The following PALLD variants were observed in gnomAD, a reference collection of about 807,000 sequenced individuals.
The protein encoded by PALLD is palladin.
Under a neutral mutation model 123.5 loss-of-function variants are expected in PALLD, and 61 were observed. That is an observed-to-expected ratio of 0.49 (90% CI 0.40 to 0.61). The LOEUF (loss-of-function observed/expected upper bound fraction) is 0.61, where lower values mean the gene tolerates loss of function less well. PALLD is among the 20% of genes least tolerant of loss of function. PALLD has a pLI of 0.00. For synonymous variants in PALLD, 465 were observed against 496.4 expected, an observed-to-expected ratio of 0.94 and a Z score of 0.84; for missense variants, 1,273 against 1,377.0, an observed-to-expected ratio of 0.92 and a Z score of 1.20.
chr4:168,849,229 A>G (rs548354112), intron 10 of PALLD, among the ~76,000 whole-genome samples: 2 of 152,346 alleles, frequency 1.3e-5, no homozygotes, highest in Admixed American at 6.5e-5. Flanking sequence ...TAGGGAGCTG[A>G]TTGTAATGCG....
At chr4:168,562,583 G>C (rs1333715119) in intron 2 of PALLD, among the ~76,000 whole-genome samples, 3 of 152,216 alleles carry the variant, frequency 2.0e-5, no homozygotes, top group Non-Finnish European at 2.9e-5. Flanking sequence ...ACTTTAGGTG[G>C]TGTGGTCAGG....
chr4:168,682,929 TA>T (rs148598962), intron 4 of PALLD, 68 bp from the exon 5 acceptor site: 27,421 of 686,978 alleles, frequency 0.04, 5 homozygotes, highest in Non-Finnish European at 0.044. Context: ...TTATTTCTGC[TA>T]AAAAAAAAAA....
In PALLD at chr4:168,926,407, G is replaced by A. The variant is rs1762585701; in HGVS notation, c.*227G>A. 1 of 1,509,422 alleles carries A rather than the reference G, an allele frequency of 6.6e-7. No individual in the cohort carries two copies. The highest frequency in any genetic ancestry group is 8.9e-7 in the Non-Finnish European group (1 of 1,121,780). 93.5% of individuals were successfully genotyped at this position (1,509,422 alleles called of 1,614,324 possible). A position where few individuals can be genotyped will look rare whatever the true frequency, so the allele number is the denominator to read the frequency against. Reference sequence around the variant, plus strand: ...GTAATCCAGCATTCTTGTTAAAGCTGAAACACTGAAACAGCCATTGCCTTG... The same window carrying A: ...GTAATCCAGCATTCTTGTTAAAGCTAAAACACTGAAACAGCCATTGCCTTG... On this transcript the variant is annotated 3_prime_UTR_variant, in exon 22 of 22. Coordinates refer to ENST00000505667, the MANE Select transcript of PALLD (RefSeq NM_001166108.2).
At chr4:168,549,779 A>AC (rs924393921) in intron 2 of PALLD, among the ~76,000 whole-genome samples, 29 of 59,114 alleles carry the variant, frequency 4.9e-4, no homozygotes, top group Non-Finnish European at 8.2e-4. Flanking sequence ...CAAGAACCAC[A>AC]AAAAAAAAAT....
chr4:168,786,153 C>A lies in PALLD; in HGVS notation c.1964+74230C>A, dbSNP rs1055199376. Among the ~76,000 whole-genome samples, 5 of 151,462 alleles carry A rather than the reference C, an allele frequency of 3.3e-5. No individual in the cohort carries two copies. In the East Asian group the frequency reaches 9.7e-4, roughly 29 times the overall value. ...GACCAGCCTGGCCAACATGGTGAAACCCCGTCTCTACTAAAAATACAAAAA... is the reference window on the plus strand; with the variant it reads ...GACCAGCCTGGCCAACATGGTGAAAACCCGTCTCTACTAAAAATACAAAAA... On this transcript the variant is annotated intron_variant, in intron 10 of 21. Transcript: ENST00000505667.
At chr4:168,670,756 C>CAAAAAAA (rs1297875131) in intron 3 of PALLD, among the ~76,000 whole-genome samples, 1 of 70,306 alleles carries the variant, frequency 1.4e-5, no homozygotes, top group Admixed American at 1.4e-4. Flanking sequence ...ACAAAAAAAA[C>CAAAAAAA]AAAAAAAACA....
intron 10 of PALLD, among the ~76,000 whole-genome samples, chr4:168,877,405 A>G (rs1328468611): frequency 6.6e-6 from 1 of 152,226 alleles, no homozygotes; most frequent in Non-Finnish European, 1.5e-5. Flanking sequence ...TTCTCTTAAT[A>G]TTTCTTGATC....
At chr4:168,699,884 T>C (rs1783508075) in intron 8 of PALLD, 1 of 153,130 alleles carries the variant, frequency 6.5e-6, no homozygotes. Context: ...TAATTAAGGT[T>C]ATTAATAACT....
chr4:168,659,101 A>T (rs1778883844), intron 2 of PALLD, among the ~76,000 whole-genome samples: 1 of 152,216 alleles, frequency 6.6e-6, no homozygotes, highest in Admixed American at 6.5e-5. Context: ...AATACTCCAT[A>T]AAAATTAATT....
intron 10 of PALLD, among the ~76,000 whole-genome samples, chr4:168,778,195 G>T (rs62334294): frequency 0.22 from 32,884 of 151,862 alleles, 3,614 homozygotes; most frequent in Middle Eastern, 0.24. Context: ...CTCAACTTTT[G>T]AAAAAGAAAA....
At chr4:168,588,485 T>C (rs1461200260) in intron 2 of PALLD, among the ~76,000 whole-genome samples, 1 of 152,084 alleles carries the variant, frequency 6.6e-6, no homozygotes, top group Non-Finnish European at 1.5e-5. Flanking sequence ...CACTTCATCC[T>C]CCGCCTCCTG....
rs1298864498 is a variant in PALLD, at chr4:168,691,291, T to G, written c.1500T>G (p.Pro500=). ...CAGAACCTAGATCTACAGCTGAACC[T>G]GGTAAGAATATTTTTAGGGTTTTTT... is the stretch of plus-strand genomic sequence containing the variant. ...LQKKPRSTAE[P]EEICTLVIAE... The change falls in exon 8 of 22, where the codon CCT becomes CCG. Residue 500 remains proline, a splice_region_variant and synonymous_variant. Transcript: ENST00000505667. 8 of 1,607,922 alleles carry G rather than the reference T, an allele frequency of 5.0e-6. No individual in the cohort carries two copies. The highest frequency in any genetic ancestry group is 6.8e-6 in the Non-Finnish European group (8 of 1,176,634).
chr4:168,663,599 A>G (rs1178164841), intron 2 of PALLD, among the ~76,000 whole-genome samples: 1 of 152,208 alleles, frequency 6.6e-6, no homozygotes, highest in Non-Finnish European at 1.5e-5. Context: ...TAACACCTCT[A>G]GGAACTGGCT....
intron 2 of PALLD, among the ~76,000 whole-genome samples, chr4:168,540,661 G>C (rs528444878): frequency 2.4e-4 from 36 of 151,822 alleles, no homozygotes; most frequent in Admixed American, 6.6e-4. Flanking sequence ...TTCTTACTTT[G>C]CTTTTTAATG....
chr4:168,760,146 G>A (rs186757023), intron 10 of PALLD, among the ~76,000 whole-genome samples: 89 of 152,074 alleles, frequency 5.9e-4, no homozygotes, highest in South Asian at 3.1e-3. Flanking sequence ...TGTGTTTGAC[G>A]TGTCAGCCTC....
At chr4:168,811,280 C>T (rs908988031) in intron 10 of PALLD, among the ~76,000 whole-genome samples, 4 of 152,272 alleles carry the variant, frequency 2.6e-5, no homozygotes, top group South Asian at 2.1e-4. Context: ...CCAGTACTGC[C>T]GTCATACCTG....
chr4:168,670,745 A>C (rs1266542854), intron 3 of PALLD, among the ~76,000 whole-genome samples: 3 of 55,670 alleles, frequency 5.4e-5, no homozygotes, highest in African/African-American at 1.2e-4. Flanking sequence ...GTCTCAAAAA[A>C]ACAAAAAAAA....
intron 11 of PALLD, among the ~76,000 whole-genome samples, chr4:168,893,152 G>GA (rs1222768665): frequency 6.6e-6 from 1 of 152,172 alleles, no homozygotes; most frequent in Non-Finnish European, 1.5e-5. Flanking sequence ...GGAACAGAGT[G>GA]AAAATCACTC....
chr4:168,885,322 G>C (rs1753181704), intron 10 of PALLD: 1 of 152,140 alleles, frequency 6.6e-6, no homozygotes, highest in Non-Finnish European at 1.5e-5. Flanking sequence ...AGGATGTGGG[G>C]GGGTCTTTGC....
Sources: gnomAD v4.1 joint callset for allele counts (sites outside exome capture counted in the v4.1 genomes callset) on GRCh38, gnomAD v4.1.1 for gene constraint, MANE v1.5 for transcripts, NCBI Gene and HGNC (gene_info 2026-07-23, HGNC 2026-07-21) for gene names.